MEA1: variants seen among roughly 807,000 people sequenced by gnomAD.
The protein encoded by MEA1 is Male-enhanced antigen (H-Y structural gene).
A neutral mutation model predicts 21.4 loss-of-function variants in MEA1; 22 were observed. The ratio of observed to expected loss-of-function variants is 1.03; its 90% CI spans 0.73 to 1.47. The LOEUF (loss-of-function observed/expected upper bound fraction) is 1.47. Among genes scored for constraint, MEA1 ranks in the 40% most tolerant of loss-of-function variants. MEA1 has a pLI of 0.00. For synonymous variants in MEA1, 91 were observed against 85.5 expected (o/e 1.06, Z -0.35); for missense variants, 233 against 230.5 (o/e 1.01, Z -0.07).
Position 43,013,913 on chromosome 6 carries a change from G to A in MEA1, c.-100C>T. 7.1e-7 allele frequency: 1 copy of A among 1,410,494 alleles called. No individual in the cohort carries two copies. 87.4% of individuals were successfully genotyped at this position (1,410,494 alleles called of 1,614,324 possible). On this transcript the variant is annotated 5_prime_UTR_variant, in exon 1 of 4. Transcript: ENST00000244711. ...CGCGCCTCACCCGCTCAGAGCCCGC[G>A]GCCTCCACTTCCGGCGGGGCAGGAC...
At position 43,013,939 on chromosome 6, in the gene MEA1, G is replaced by T. The variant is rs954274882; in HGVS notation, c.-126C>A. The T allele has an allele frequency of 1.2e-5, 18 of 1,451,902 alleles. No homozygotes were observed. The South Asian group carries it at 1.6e-4, about 13-fold the overall frequency. The allele number at this position is 1,451,902 out of a possible 1,614,324, so 89.9% of individuals were successfully genotyped here. A position where few individuals can be genotyped will look rare whatever the true frequency, so the allele number is the denominator to read the frequency against. On this transcript the variant is annotated 5_prime_UTR_variant, in exon 1 of 4. Transcript: ENST00000244711. Reference sequence around the variant, plus strand: ...GCCTCCACTTCCGGCGGGGCAGGACGTGCAGAGGTGCCTAGTCCTCCAGCC... The same window carrying T: ...GCCTCCACTTCCGGCGGGGCAGGACTTGCAGAGGTGCCTAGTCCTCCAGCC...
upstream of MEA1, among the ~76,000 whole-genome samples, chr6:43,016,029 G>A (rs1009404325): frequency 5.3e-5 from 8 of 150,136 alleles, no homozygotes; most frequent in Non-Finnish European, 8.9e-5. Context: ...TCCGCCACCC[G>A]AGTGCAAGCA....
Position 43,011,587 on chromosome 6 carries a change from T to C in MEA1, c.*883A>G. The C allele has an allele frequency of 2.1e-6, 1 of 471,302 alleles. No individual in the cohort carries two copies. The highest frequency in any genetic ancestry group is 2.4e-5 in the South Asian group (1 of 42,444). 29.2% of individuals were successfully genotyped at this position (471,302 alleles called of 1,614,324 possible). ...CACCCACAGCTACCTGAGGCTGCTC[T>C]GAGAAGTACACACAGGAATACATAC... On this transcript the variant is annotated 3_prime_UTR_variant, in exon 4 of 4. Transcript: ENST00000244711.
At chr6:43,015,138 C>A (rs1048512260), upstream of MEA1, among the ~76,000 whole-genome samples, 1 of 152,158 alleles carries the variant, frequency 6.6e-6, no homozygotes, top group African/African-American at 2.4e-5. Flanking sequence ...GGAAGACTTC[C>A]ATTCTTAAGC....
upstream of MEA1, chr6:43,014,335 G>A: frequency 1.6e-6 from 1 of 615,780 alleles, no homozygotes; most frequent in Non-Finnish European, 2.9e-6. Context: ...CCCCGCCCCG[G>A]CTCGGCCTGG....
In MEA1 at chr6:43,011,769, C is replaced by A. The variant is rs560993404; in HGVS notation, c.*701G>T. Reference sequence around the variant, plus strand: ...GAGTAGCTGAAGGGAAGCCAACCCCCCTGCAGCACAAATAGGCCCCCCAGT... The same window carrying A: ...GAGTAGCTGAAGGGAAGCCAACCCCACTGCAGCACAAATAGGCCCCCCAGT... On this transcript the variant is annotated 3_prime_UTR_variant, in exon 4 of 4. Coordinates refer to ENST00000244711, the MANE Select transcript of MEA1 (RefSeq NM_014623.4). The A allele has an allele frequency of 1.8e-3, 312 of 169,452 alleles. 1 individual carries two copies. The highest frequency in any genetic ancestry group is 5.7e-3 in the Admixed American group (101 of 17,708). 10.5% of individuals were successfully genotyped at this position (169,452 alleles called of 1,614,324 possible).
chr6:43,015,580 T>C (rs1192944531), upstream of MEA1, among the ~76,000 whole-genome samples: 1 of 152,148 alleles, frequency 6.6e-6, no homozygotes, highest in Non-Finnish European at 1.5e-5. Context: ...CTGGGCATGG[T>C]GGCTCACGCC....
rs1262881695 is a variant in MEA1, at chr6:43,013,339, C to T, written c.79G>A (p.Glu27Lys). The T allele has an allele frequency of 6.2e-7, 1 of 1,614,122 alleles. No individual in the cohort carries two copies. Residue 27 changes from glutamate (E) to lysine (K), a missense_variant, in exon 2 of 4, where the codon GAG becomes AAG. Glu to Lys is a moderately conservative substitution (Grantham distance 56). Coordinates refer to ENST00000244711, the MANE Select transcript of MEA1 (RefSeq NM_014623.4). The stretch of plus-strand genomic sequence containing the variant: ...TCAGTCTGATTGGGGAAGATACGCT[C>T]AGGGCCCATGGTGTCTCCTCCTAGA... ...VVLGGDTMGP[E>K]RIFPNQTEEL... is the part of the protein sequence containing the mutation.
Position 43,013,386 on chromosome 6 carries a change from G to A in MEA1, c.32C>T (p.Pro11Leu). 1 of 1,612,342 alleles carries A rather than the reference G, an allele frequency of 6.2e-7. No homozygotes were observed. The highest frequency in any genetic ancestry group is 8.5e-7 in the Non-Finnish European group (1 of 1,179,360). The change falls in exon 2 of 4, where the codon CCT (proline) becomes CTT (leucine). Residue 11 changes from proline to leucine, a missense_variant. Physicochemically the swap from Pro to Leu is moderately conservative, Grantham distance 98. Transcript: ENST00000244711. ...TAGAACTACTGTTGCCATCCGGGCA[G>A]GGGCTGCAAGAACAGGGAGGCGGTA... Reference protein sequence around the residue: MGPERHLSGAPARMATVVLGG... With the variant: MGPERHLSGALARMATVVLGG...
At chr6:43,013,995 G>T, upstream of MEA1, 1 of 1,423,022 alleles carries the variant, frequency 7.0e-7, no homozygotes, top group Non-Finnish European at 9.2e-7. Flanking sequence ...ACGCTGGCGA[G>T]GACGAGGAGT....
Position 43,013,157 on chromosome 6 carries a change from CA to C in MEA1, c.260del (p.Val87GlyfsTer6). On this transcript the variant is annotated frameshift_variant, in exon 2 of 4. Transcript: ENST00000244711. LOFTEE classifies it high-confidence loss of function. Reference sequence around the variant, plus strand: ...TGTCAGCAACTACATCTCCATCCCCCACTGGTGCCAGTTCCACCTCCTCTTG... The same window carrying C: ...TGTCAGCAACTACATCTCCATCCCCCCTGGTGCCAGTTCCACCTCCTCTTG... ...PEQEEVELAP[V>X]GDGDVVADIQ... The C allele has an allele frequency of 6.2e-7, 1 of 1,614,158 alleles. No individual in the cohort carries two copies. The highest frequency in any genetic ancestry group is 1.1e-5 in the South Asian group (1 of 91,082).
chr6:43,013,336 G>C lies in MEA1; in HGVS notation c.82C>G (p.Arg28Gly), dbSNP rs754905942. ...TCCTCAGTCTGATTGGGGAAGATAC[G>C]CTCAGGGCCCATGGTGTCTCCTCCT... ...VLGGDTMGPE[R>G]IFPNQTEELG... The change falls in exon 2 of 4, where the codon CGT becomes GGT. Residue 28 changes from arginine (R) to glycine (G), a missense_variant. Physicochemically the swap from Arg to Gly is moderately radical, Grantham distance 125 (BLOSUM62 -2). Coordinates refer to ENST00000244711, the MANE Select transcript of MEA1 (RefSeq NM_014623.4). 1 of 1,614,054 alleles carries C rather than the reference G, an allele frequency of 6.2e-7. No homozygotes were observed. Among genetic ancestry groups the C allele is most frequent in the South Asian group, 1.1e-5 (1 of 91,080 alleles).
chr6:43,014,004 G>GT, upstream of MEA1: 2 of 1,420,788 alleles, frequency 1.4e-6, no homozygotes, highest in Non-Finnish European at 1.8e-6. Flanking sequence ...AGGACGAGGA[G>GT]TCCGCCCCTT....
At position 43,012,600 on chromosome 6, in the gene MEA1, C is replaced by G; in HGVS notation, c.428G>C (p.Arg143Thr). 6.2e-7 allele frequency: 1 copy of G among 1,608,626 alleles called. No homozygotes were observed. Among genetic ancestry groups the G allele is most frequent in the Non-Finnish European group, 8.5e-7 (1 of 1,178,116 alleles). The change falls in exon 4 of 4, where the codon AGG becomes ACG. Residue 143 changes from arginine to threonine, a missense_variant. Transcript: ENST00000244711. ...AGGCAGGCTTACTCCAGCCATTGTC[C>G]TTTTCACCAGCTCTACATGTTCTGA... ...MDPEHVELVK[R>T]TMAGVSLPAP...
At chr6:43,014,340 GC>G, upstream of MEA1, 1 of 616,412 alleles carries the variant, frequency 1.6e-6, no homozygotes, top group South Asian at 1.8e-5. Context: ...CCCCGGCTCG[GC>G]CTGGCAGGTA....
upstream of MEA1, chr6:43,014,417 T>G (rs1581872785): frequency 3.9e-5 from 12 of 305,864 alleles, no homozygotes; most frequent in African/African-American, 1.8e-4. Context: ...GGAGCTGGAG[T>G]GGCGGGGGAG....
upstream of MEA1, chr6:43,014,255 C>A (rs1581872527): frequency 3.0e-6 from 3 of 988,016 alleles, no homozygotes; most frequent in South Asian, 5.3e-5. Context: ...CTGTGTTTAT[C>A]TCGTTGGGGA....
In MEA1 at chr6:43,012,941, T is replaced by C; in HGVS notation, c.391A>G (p.Ile131Val). ...GATCTTTTACCTGGGTCCATGGGAA[T>C]AGAGCTGTGGTTGTTCAACGCTGTA... ...GATALNNHSS[I>V]PMDPEHVELV... Residue 131 changes from isoleucine to valine, a missense_variant, in exon 3 of 4, where the codon ATT (isoleucine) becomes GTT (valine). Transcript: ENST00000244711. 6.2e-7 allele frequency: 1 copy of C among 1,613,940 alleles called. No individual in the cohort carries two copies. Among genetic ancestry groups the C allele is most frequent in the Non-Finnish European group, 8.5e-7 (1 of 1,179,770 alleles).
chr6:43,013,717 A>T (rs751550793), intron 1 of MEA1, 69 bp downstream of exon 1: 17 of 1,471,454 alleles, frequency 1.2e-5, no homozygotes, highest in Non-Finnish European at 1.5e-5. Context: ...ACTCTGGGTC[A>T]TCAGACTCCC....
Sources: allele counts gnomAD v4.1 joint callset (sites outside exome capture counted in the v4.1 genomes callset), GRCh38; gene constraint gnomAD v4.1.1; transcripts MANE v1.5; gene names NCBI Gene and HGNC (gene_info 2026-07-23, HGNC 2026-07-21).